The following ECT2 variants were observed in gnomAD, a reference collection of about 807,000 sequenced individuals.
ECT2 encodes the protein epithelial cell transforming 2.
In ECT2, 61 loss-of-function variants were observed where a neutral mutation model predicts 116.9. The observed-to-expected ratio is 0.52, with a 90% CI of 0.42 to 0.65. ECT2 has a LOEUF of 0.65. Among genes scored for constraint, ECT2 ranks in the 30% least tolerant of loss-of-function variants. The pLI is 0.00. For missense variants in ECT2, 937 were observed against 1,078.7 expected, an observed-to-expected ratio of 0.87 and a Z score of 1.84; for synonymous variants, 358 against 346.4, an observed-to-expected ratio of 1.03 and a Z score of -0.37.
At chr3:172,751,071 C>G (rs1177029766) in intron 1 of ECT2, 1 of 152,298 alleles carries the variant, frequency 6.6e-6, no homozygotes, top group African/African-American at 2.4e-5. Flanking sequence ...CCCAGTATTG[C>G]TGGGCATCTT....
At position 172,762,440 on chromosome 3, in the gene ECT2, C is replaced by T; in HGVS notation, c.783C>T (p.Asp261=). 1 of 1,594,542 alleles carries T rather than the reference C, an allele frequency of 6.3e-7. No homozygotes were observed. Among genetic ancestry groups the T allele is most frequent in the Non-Finnish European group, 8.5e-7 (1 of 1,175,734 alleles). ...NEQDFYAAVD[D]FRNEFKVPPF... Reference sequence around the variant, plus strand: ...GGGATTTCTATGCAGCAGTTGATGACTTTAGAAATGAATTTAAAGTTCCTC... The same window carrying T: ...GGGATTTCTATGCAGCAGTTGATGATTTTAGAAATGAATTTAAAGTTCCTC... Residue 261 remains aspartate (D), a synonymous_variant, in exon 9 of 25, where the codon GAC becomes GAT. Transcript: ENST00000392692.
chr3:172,815,912 G>A (rs1034200700), intron 23 of ECT2, among the ~76,000 whole-genome samples: 9 of 152,084 alleles, frequency 5.9e-5, no homozygotes, highest in African/African-American at 1.2e-4. Flanking sequence ...TATCCCTCCC[G>A]TTACTGTAAT....
chr3:172,766,920 C>T (rs927954540), intron 12 of ECT2, among the ~76,000 whole-genome samples: 6 of 152,100 alleles, frequency 3.9e-5, no homozygotes, highest in African/African-American at 1.2e-4. Flanking sequence ...AATGAACCAC[C>T]GAAGTAAACA....
chr3:172,773,640 A>T (rs563264831), intron 13 of ECT2, among the ~76,000 whole-genome samples: 1 of 152,334 alleles, frequency 6.6e-6, no homozygotes, highest in South Asian at 2.1e-4. Flanking sequence ...AATTTTAATG[A>T]TTGATTGCAG....
intron 7 of ECT2, among the ~76,000 whole-genome samples, chr3:172,761,157 C>A (rs1417020007): frequency 6.6e-6 from 1 of 152,122 alleles, no homozygotes; most frequent in African/African-American, 2.4e-5. Context: ...AATGTCTTAG[C>A]AAGAGTTTAT....
intron 20 of ECT2, among the ~76,000 whole-genome samples, chr3:172,804,104 C>T (rs1318182568): frequency 6.6e-6 from 1 of 152,162 alleles, no homozygotes; most frequent in Non-Finnish European, 1.5e-5. Flanking sequence ...GCCACTGCAC[C>T]TGCCTCCTTT....
chr3:172,777,967 C>G (rs566980928), intron 14 of ECT2, among the ~76,000 whole-genome samples: 2 of 152,070 alleles, frequency 1.3e-5, no homozygotes, highest in East Asian at 3.9e-4. Context: ...TTATATATAT[C>G]TGTTGTTATT....
the ECT2 span, chr3:172,828,730 C>T: frequency 5.7e-6 from 3 of 525,970 alleles, no homozygotes; most frequent in Non-Finnish European, 1.1e-5. Context: ...CCCATGGAGC[C>T]TCACGTGGCG....
At chr3:172,803,012 C>G (rs757714979) in intron 20 of ECT2, 32 bp downstream of exon 20, 2 of 1,544,306 alleles carry the variant, frequency 1.3e-6, no homozygotes, top group South Asian at 1.2e-5. Flanking sequence ...TATAATAACA[C>G]TACTGATTTT....
chr3:172,802,106 T>C (rs1308749294), intron 18 of ECT2, among the ~76,000 whole-genome samples: 1 of 148,860 alleles, frequency 6.7e-6, no homozygotes, highest in Non-Finnish European at 1.5e-5. Flanking sequence ...TTTGTTTTTG[T>C]TTTTGTTTTT....
intron 18 of ECT2, among the ~76,000 whole-genome samples, chr3:172,793,289 C>T (rs918734920): frequency 3.3e-5 from 5 of 151,886 alleles, no homozygotes; most frequent in Non-Finnish European, 5.9e-5. Flanking sequence ...CCTCAGCCTC[C>T]GAGTAGCTGG....
chr3:172,798,991 G>A (rs1377775660), intron 18 of ECT2, among the ~76,000 whole-genome samples: 1 of 152,128 alleles, frequency 6.6e-6, no homozygotes, highest in Admixed American at 6.6e-5. Context: ...AAAATATAAA[G>A]TCTGCCTTGG....
intron 18 of ECT2, among the ~76,000 whole-genome samples, chr3:172,792,636 A>G (rs937044543): frequency 3.9e-5 from 6 of 152,166 alleles, no homozygotes; most frequent in Admixed American, 6.5e-5. Flanking sequence ...AAATTTGTGA[A>G]CAAGCTTGTA....
chr3:172,818,508 TTAA>T, intron 24 of ECT2: 3 of 1,183,452 alleles, frequency 2.5e-6, no homozygotes, highest in Non-Finnish European at 3.2e-6. Flanking sequence ...CTTCAAGACA[TTAA>T]TGTCATCTTC....
chr3:172,752,951 G>A (rs1423443844), intron 1 of ECT2, among the ~76,000 whole-genome samples: 2 of 152,148 alleles, frequency 1.3e-5, no homozygotes, highest in Non-Finnish European at 2.9e-5. Flanking sequence ...GAAGGTATTT[G>A]TATATTTTAT....
intron 18 of ECT2, among the ~76,000 whole-genome samples, chr3:172,795,011 C>T (rs540670191): frequency 6.6e-6 from 1 of 152,232 alleles, no homozygotes; most frequent in East Asian, 1.9e-4. Context: ...CGCACTTGGC[C>T]TATGTTAGCA....
intron 22 of ECT2, among the ~76,000 whole-genome samples, chr3:172,808,721 G>A (rs968898768): frequency 6.6e-6 from 1 of 152,166 alleles, no homozygotes; most frequent in African/African-American, 2.4e-5. Context: ...ACCCTTTTCG[G>A]TACAATGGTA....
chr3:172,755,544 A>G lies in ECT2; in HGVS notation c.272A>G (p.Asp91Gly). 6.7e-7 allele frequency: 1 copy of G among 1,486,296 alleles called. No homozygotes were observed. The highest frequency in any genetic ancestry group is 2.5e-5 in the East Asian group (1 of 40,522). The allele number at this position is 1,486,296 out of a possible 1,614,324, so 92.1% of individuals were successfully genotyped here. The change falls in exon 4 of 25, where the codon GAT becomes GGT. Residue 91 changes from aspartate to glycine, a missense_variant. Transcript: ENST00000392692. ...KIKESCPGKS[D>G]EKLIKSVINM... ...AAAGAAAGTTGTCCTGGAAAATCGG[A>G]TGAAAAATTAATAAAAAGTGTTATT...
intron 18 of ECT2, among the ~76,000 whole-genome samples, chr3:172,791,904 C>CA (rs957986899): frequency 1.3e-5 from 2 of 152,186 alleles, no homozygotes; most frequent in Non-Finnish European, 2.9e-5. Flanking sequence ...TTACTAAACT[C>CA]AATCATTTCT....
Sources: allele counts gnomAD v4.1 joint callset (sites outside exome capture counted in the v4.1 genomes callset), GRCh38; gene constraint gnomAD v4.1.1; transcripts MANE v1.5; gene names NCBI Gene and HGNC (gene_info 2026-07-23, HGNC 2026-07-21).